PANK2: variants seen among roughly 807,000 people sequenced by gnomAD.
PANK2 encodes pantothenate kinase 2.
A neutral mutation model predicts 43.1 loss-of-function variants in PANK2; 36 were observed. The ratio of observed to expected loss-of-function variants is 0.84; its 90% CI spans 0.64 to 1.10. PANK2 has a LOEUF of 1.10. PANK2 is among the 50% of genes least tolerant of loss of function. The pLI is 0.00. For missense variants in PANK2, 576 were observed against 593.3 expected (o/e 0.97, Z 0.30); for synonymous variants, 281 against 238.2 (o/e 1.18, Z -1.66).
At chr20:3,904,684 C>A (rs1346196186) in intron 1 of PANK2, among the ~76,000 whole-genome samples, 1 of 152,192 alleles carries the variant, frequency 6.6e-6, no homozygotes, top group Non-Finnish European at 1.5e-5. Context: ...CAGCCACACA[C>A]ATCTGGCAAT....
chr20:3,909,423 G>T (rs895720736), intron 2 of PANK2, among the ~76,000 whole-genome samples: 1 of 152,054 alleles, frequency 6.6e-6, no homozygotes, highest in African/African-American at 2.4e-5. Context: ...TAGAGATGGG[G>T]TTTCACCATG....
At chr20:3,896,414 T>A (rs1403212104) in intron 1 of PANK2, among the ~76,000 whole-genome samples, 1 of 151,972 alleles carries the variant, frequency 6.6e-6, no homozygotes, top group Non-Finnish European at 1.5e-5. Flanking sequence ...AAGTGTGATG[T>A]TGTGAAATAT....
intron 1 of PANK2, 179 bp downstream of exon 1, chr20:3,889,907 C>G: frequency 1.3e-6 from 2 of 1,532,348 alleles, no homozygotes; most frequent in Non-Finnish European, 1.7e-6. Context: ...AAAGCGGTAC[C>G]TTCGGGGGCC....
chr20:3,906,542 T>C (rs568557736), intron 1 of PANK2, among the ~76,000 whole-genome samples: 9 of 152,262 alleles, frequency 5.9e-5, no homozygotes, highest in African/African-American at 2.2e-4. Flanking sequence ...TAGCCTACAG[T>C]TGGGCAAAAT....
At chr20:3,915,031 C>A (rs745955853) in intron 4 of PANK2, among the ~76,000 whole-genome samples, 1 of 152,156 alleles carries the variant, frequency 6.6e-6, no homozygotes, top group Non-Finnish European at 1.5e-5. Context: ...GGATACAAGT[C>A]CCTTATTAGA....
At chr20:3,915,009 T>G (rs1202577322) in intron 4 of PANK2, among the ~76,000 whole-genome samples, 2 of 152,230 alleles carry the variant, frequency 1.3e-5, no homozygotes, top group African/African-American at 2.4e-5. Context: ...TGTCTTTTTA[T>G]TATTGAGTTC....
intron 1 of PANK2, among the ~76,000 whole-genome samples, chr20:3,903,350 G>A (rs1356065210): frequency 6.6e-6 from 1 of 151,052 alleles, no homozygotes; most frequent in Admixed American, 6.7e-5. Context: ...GTTTTGCCAT[G>A]TTGGCTAGTC....
At chr20:3,911,310 C>T (rs558998932) in intron 3 of PANK2, among the ~76,000 whole-genome samples, 11 of 152,292 alleles carry the variant, frequency 7.2e-5, no homozygotes, top group South Asian at 2.1e-4. Context: ...ATTAGCCGGG[C>T]GTGGTGGCTC....
intron 1 of PANK2, among the ~76,000 whole-genome samples, chr20:3,895,261 G>A (rs574350527): frequency 1.6e-4 from 25 of 152,098 alleles, no homozygotes; most frequent in Admixed American, 3.9e-4. Context: ...GAGACAGGGC[G>A]AGACTCCATC....
At chr20:3,902,570 C>A (rs1212188726) in intron 1 of PANK2, among the ~76,000 whole-genome samples, 2 of 136,712 alleles carry the variant, frequency 1.5e-5, no homozygotes, top group African/African-American at 5.5e-5. Context: ...TGAGCCACCG[C>A]ACCTGGCCTA....
At position 3,912,538 on chromosome 20, in the gene PANK2, C is replaced by T; in HGVS notation, c.986C>T (p.Ser329Phe). 6.2e-7 allele frequency: 1 copy of T among 1,614,150 alleles called. No individual in the cohort carries two copies. ...TTTGAAGAAGCTCTTGAAATGGCATCTCGTGGAGATAGCACCAAAGTGGAT... is the reference window on the plus strand; with the variant it reads ...TTTGAAGAAGCTCTTGAAATGGCATTTCGTGGAGATAGCACCAAAGTGGAT... Residue 329 changes from serine (S) to phenylalanine (F), a missense_variant, in exon 4 of 7, where the codon TCT (serine) becomes TTT (phenylalanine). Transcript: ENST00000610179.
At position 3,928,048 on chromosome 20, in the gene PANK2, A is replaced by G. The variant is rs565461618; in HGVS notation, c.*4754A>G. 69 of 152,242 alleles carry G rather than the reference A, an allele frequency of 4.5e-4. No homozygotes were observed. Among genetic ancestry groups the G allele is most frequent in the African/African-American group, 1.5e-3 (63 of 41,556 alleles). 9.4% of individuals were successfully genotyped at this position (152,242 alleles called of 1,614,324 possible). On this transcript the variant is annotated 3_prime_UTR_variant, in exon 7 of 7. Transcript: ENST00000610179. ...CAAATGGAAGCACACTCCCCAGCAC[A>G]TGGGGATCCCTTATTAATCTTTACT...
At chr20:3,909,839 G>A (rs895077215) in intron 2 of PANK2, among the ~76,000 whole-genome samples, 7 of 151,572 alleles carry the variant, frequency 4.6e-5, no homozygotes, top group African/African-American at 1.7e-4. Flanking sequence ...TGATCCACCT[G>A]TCTCAGCCTC....
At chr20:3,914,637 T>C (rs1356226756) in intron 4 of PANK2, among the ~76,000 whole-genome samples, 11 of 151,694 alleles carry the variant, frequency 7.3e-5, no homozygotes, top group African/African-American at 2.2e-4. Context: ...TCTCTCTCTG[T>C]TGCCCAGGCT....
intron 5 of PANK2, 34 bp from the exon 6 acceptor site, chr20:3,918,637 A>G (rs765503736): frequency 1.2e-6 from 2 of 1,613,896 alleles, no homozygotes; most frequent in Admixed American, 1.7e-5. Flanking sequence ...AGAAATTAAG[A>G]TGAAAACTAA....
intron 1 of PANK2, among the ~76,000 whole-genome samples, chr20:3,897,756 T>A (rs1311216995): frequency 6.6e-6 from 1 of 151,828 alleles, no homozygotes; most frequent in Admixed American, 6.6e-5. Context: ...CCTATAATCC[T>A]AGCACTTTGG....
In PANK2 at chr20:3,925,386, A is replaced by G. The variant is rs2090705574; in HGVS notation, c.*2092A>G. 1 of 152,298 alleles carries G rather than the reference A, an allele frequency of 6.6e-6. No homozygotes were observed. Among genetic ancestry groups the G allele is most frequent in the Non-Finnish European group, 1.5e-5 (1 of 68,108 alleles). 9.4% of individuals were successfully genotyped at this position (152,298 alleles called of 1,614,324 possible). A position where few individuals can be genotyped will look rare whatever the true frequency, so the allele number is the denominator to read the frequency against. On this transcript the variant is annotated 3_prime_UTR_variant, in exon 7 of 7. Coordinates refer to ENST00000610179, the MANE Select transcript of PANK2 (RefSeq NM_001386393.1). ...GTAGCTGAGACTACAGGCATGTGCC[A>G]CCATGGCTGGCTAATTTTTATATTT... is the stretch of plus-strand genomic sequence containing the variant.
chr20:3,908,551 A>G (rs1467870387), intron 2 of PANK2: 2 of 443,832 alleles, frequency 4.5e-6, no homozygotes, highest in East Asian at 4.2e-5. Context: ...TGAGGAAGAA[A>G]CTACCTAAAA....
At chr20:3,903,265 A>G (rs1005695946) in intron 1 of PANK2, among the ~76,000 whole-genome samples, 3 of 150,672 alleles carry the variant, frequency 2.0e-5, no homozygotes, top group African/African-American at 7.3e-5. Context: ...CTCCTGCTTC[A>G]GCCTCCCGAG....
Sources: allele counts gnomAD v4.1 joint callset (sites outside exome capture counted in the v4.1 genomes callset), GRCh38; gene constraint gnomAD v4.1.1; transcripts MANE v1.5; gene names NCBI Gene and HGNC (gene_info 2026-07-23, HGNC 2026-07-21).